Variants in CORO2A observed in about 807,000 individuals in gnomAD.
CORO2A encodes the protein coronin 2A.
A neutral mutation model predicts 62.4 loss-of-function variants in CORO2A; 47 were observed. The observed-to-expected ratio is 0.75, with a 90% CI of 0.60 to 0.96. The LOEUF is 0.96. CORO2A is among the 40% of genes least tolerant of loss of function. The pLI is 0.00. For missense variants in CORO2A, 610 were observed against 684.1 expected, an observed-to-expected ratio of 0.89 and a Z score of 1.21; for synonymous variants, 273 against 268.9, an observed-to-expected ratio of 1.02 and a Z score of -0.15.
chr9:98,179,679 G>A (rs957244851), intron 1 of CORO2A, among the ~76,000 whole-genome samples: 7 of 152,090 alleles, frequency 4.6e-5, no homozygotes, highest in African/African-American at 1.2e-4. Flanking sequence ...TCGGCCGGGC[G>A]CAGACACTCA....
chr9:98,154,350 T>C (rs867288187), intron 2 of CORO2A, among the ~76,000 whole-genome samples: 72 of 123,574 alleles, frequency 5.8e-4, no homozygotes, highest in Middle Eastern at 4.1e-3. Flanking sequence ...TATATATATA[T>C]ATACACAAAT....
intron 1 of CORO2A, among the ~76,000 whole-genome samples, chr9:98,166,105 A>C (rs1434965230): frequency 6.6e-6 from 1 of 152,248 alleles, no homozygotes. Flanking sequence ...CTTTGTATGT[A>C]ACTGTGCACA....
Position 98,122,908 on chromosome 9 carries a change from T to G in CORO2A, c.*1866A>C, listed in dbSNP as rs1827262018. ...CTATCCATATCAGGCTGATTCTGGT[T>G]GGAAAGGTTGGTTTTGACCACCTGC... On this transcript the variant is annotated 3_prime_UTR_variant, in exon 12 of 12. Transcript: ENST00000375077. 1 of 152,258 alleles carries G rather than the reference T, an allele frequency of 6.6e-6. No homozygotes were observed. Among genetic ancestry groups the G allele is most frequent in the South Asian group, 2.1e-4 (1 of 4,830 alleles). The allele number at this position is 152,258 out of a possible 1,614,324, so 9.4% of individuals were successfully genotyped here.
intron 1 of CORO2A, among the ~76,000 whole-genome samples, chr9:98,183,911 A>G (rs771547506): frequency 4.6e-5 from 7 of 152,330 alleles, no homozygotes; most frequent in Middle Eastern, 3.4e-3. Flanking sequence ...CAGTGAGCTG[A>G]GATTGTGCCA....
chr9:98,147,640 A>G (rs1827659290), intron 2 of CORO2A, among the ~76,000 whole-genome samples: 1 of 152,224 alleles, frequency 6.6e-6, no homozygotes, highest in Non-Finnish European at 1.5e-5. Flanking sequence ...CAAATTGCAG[A>G]TAAACAACAA....
chr9:98,136,052 C>T (rs182821067), intron 3 of CORO2A, among the ~76,000 whole-genome samples: 26 of 152,320 alleles, frequency 1.7e-4, no homozygotes, highest in Admixed American at 2.6e-4. Context: ...GGCATAGCTT[C>T]GGGGAGGAAA....
At chr9:98,138,826 A>G (rs1418923646) in intron 2 of CORO2A, among the ~76,000 whole-genome samples, 1 of 152,052 alleles carries the variant, frequency 6.6e-6, no homozygotes, top group African/African-American at 2.4e-5. Flanking sequence ...AGGCGGGTGG[A>G]TCACGAGGTC....
At chr9:98,134,712 TG>T in intron 4 of CORO2A, 93 bp downstream of exon 4, 1 of 1,394,204 alleles carries the variant, frequency 7.2e-7, no homozygotes, top group Non-Finnish European at 9.6e-7. Flanking sequence ...TTTCGATTTC[TG>T]GTCTCCAGAA....
chr9:98,126,503 A>G (rs1411860345), intron 11 of CORO2A, 46 bp downstream of exon 11: 2 of 1,585,520 alleles, frequency 1.3e-6, no homozygotes, highest in Admixed American at 1.7e-5. Context: ...GTTCCCCTCC[A>G]CCCCAGCTGC....
intron 1 of CORO2A, among the ~76,000 whole-genome samples, chr9:98,184,755 C>T (rs1828218503): frequency 6.6e-6 from 1 of 152,150 alleles, no homozygotes; most frequent in South Asian, 2.1e-4. Flanking sequence ...GCACTTAAAT[C>T]AAGGGGTGTG....
chr9:98,131,063 C>T lies in CORO2A; in HGVS notation c.766-4G>A, dbSNP rs1419340320. 1 of 1,606,664 alleles carries T rather than the reference C, an allele frequency of 6.2e-7. No individual in the cohort carries two copies. Among genetic ancestry groups the T allele is most frequent in the African/African-American group, 1.3e-5 (1 of 74,718 alleles). The stretch of plus-strand genomic sequence containing the variant: ...TCAGAGGCACAGAGAGGTTATCCTG[C>T]AGGGGAAGGGGAGGCAGGGAAGGCC... On this transcript the variant is annotated splice_polypyrimidine_tract_variant and splice_region_variant and intron_variant, in intron 6 of 11. Coordinates refer to ENST00000375077, the MANE Select transcript of CORO2A (RefSeq NM_052820.4).
At chr9:98,174,391 G>A (rs1440378079) in intron 1 of CORO2A, among the ~76,000 whole-genome samples, 2 of 152,166 alleles carry the variant, frequency 1.3e-5, no homozygotes, top group Non-Finnish European at 2.9e-5. Flanking sequence ...GTATATTCCT[G>A]TTTTGTCAAA....
At chr9:98,181,901 T>A (rs753772913) in intron 1 of CORO2A, among the ~76,000 whole-genome samples, 1 of 152,202 alleles carries the variant, frequency 6.6e-6, no homozygotes, top group Non-Finnish European at 1.5e-5. Context: ...TTCCAAGCTG[T>A]GTGACCTCAG....
intron 6 of CORO2A, 151 bp downstream of exon 6, chr9:98,132,034 C>T: frequency 1.4e-6 from 1 of 693,798 alleles, no homozygotes; most frequent in Non-Finnish European, 2.5e-6. Context: ...CTGTCAGCAT[C>T]TCCCTGCTAT....
chr9:98,129,120 C>A (rs1484245047), intron 8 of CORO2A, among the ~76,000 whole-genome samples: 1 of 152,114 alleles, frequency 6.6e-6, no homozygotes, highest in Non-Finnish European at 1.5e-5. Context: ...ACAGGAGTCT[C>A]ACTTTGTTGC....
intron 1 of CORO2A, among the ~76,000 whole-genome samples, chr9:98,169,389 T>A (rs989647104): frequency 1.3e-5 from 2 of 151,820 alleles, no homozygotes; most frequent in African/African-American, 2.4e-5. Context: ...GCGGGCCACC[T>A]CCTCCTGCCC....
intron 1 of CORO2A, among the ~76,000 whole-genome samples, chr9:98,191,335 C>T (rs192181930): frequency 7.9e-5 from 12 of 152,326 alleles, no homozygotes; most frequent in African/African-American, 2.4e-4. Context: ...CCCAGGAAAG[C>T]GGAGGCCCCA....
intron 1 of CORO2A, among the ~76,000 whole-genome samples, chr9:98,165,916 C>A (rs1588008720): frequency 6.6e-6 from 1 of 152,212 alleles, no homozygotes; most frequent in African/African-American, 2.4e-5. Context: ...ACCAGCCCCC[C>A]AGGTTCAAGT....
At chr9:98,186,094 G>A (rs1180649916) in intron 1 of CORO2A, among the ~76,000 whole-genome samples, 1 of 152,210 alleles carries the variant, frequency 6.6e-6, no homozygotes, top group East Asian at 1.9e-4. Flanking sequence ...ACAAACTCCA[G>A]GCTCAAGGCC....
Sources: allele counts gnomAD v4.1 joint callset (sites outside exome capture counted in the v4.1 genomes callset), GRCh38; gene constraint gnomAD v4.1.1; transcripts MANE v1.5; gene names NCBI Gene and HGNC (gene_info 2026-07-23, HGNC 2026-07-21).